Variants in CD9 observed in about 807,000 individuals in gnomAD.
CD9 encodes CD9 molecule.
Under a neutral mutation model 31.4 loss-of-function variants are expected in CD9, and 10 were observed. That is an observed-to-expected ratio of 0.32 (90% CI 0.20 to 0.54). The LOEUF (loss-of-function observed/expected upper bound fraction) is 0.54. Ranked by LOEUF, CD9 falls within the 20% of genes least tolerant of loss-of-function variation. The pLI is 0.94. For synonymous variants in CD9, 113 were observed against 114.1 expected (o/e 0.99, Z 0.06); for missense variants, 259 against 300.1 (o/e 0.86, Z 1.01).
chr12:6,200,370 T>C, upstream of CD9: 1 of 594,014 alleles, frequency 1.7e-6, no homozygotes, highest in East Asian at 3.1e-5. Flanking sequence ...GAGTGGCACT[T>C]TTTAAAAGTG....
chr12:6,203,575 CA>C (rs1946098154), intron 1 of CD9, among the ~76,000 whole-genome samples: 1 of 152,134 alleles, frequency 6.6e-6, no homozygotes, highest in Non-Finnish European at 1.5e-5. Flanking sequence ...CCCTGTGGGT[CA>C]CTCCCTGATG....
intron 6 of CD9, 75 bp downstream of exon 6, chr12:6,235,640 C>T (rs780877759): frequency 6.6e-7 from 1 of 1,505,862 alleles, no homozygotes; most frequent in Non-Finnish European, 8.9e-7. Context: ...AAAGTGACAG[C>T]AGCCAAGTGC....
At chr12:6,210,350 C>T (rs1401311064) in intron 1 of CD9, among the ~76,000 whole-genome samples, 2 of 152,250 alleles carry the variant, frequency 1.3e-5, no homozygotes, top group African/African-American at 4.8e-5. Flanking sequence ...TGGAGAGTCC[C>T]TTCCCAGAGC....
In CD9 at chr12:6,223,870, C is replaced by G. The variant is rs11568241; in HGVS notation, c.67-1556C>G. ...GCTGCCTTTGGATTAGGCCAGGAGA[C>G]CCTCCCTCACTGGCCTTTTATTAAG... On this transcript the variant is annotated intron_variant, in intron 1 of 7. Coordinates refer to ENST00000009180, the MANE Select transcript of CD9 (RefSeq NM_001769.4). 3.8e-3 allele frequency among the ~76,000 whole-genome samples: 580 copies of G among 152,284 alleles called. 4 individuals are homozygous for G. Among genetic ancestry groups the G allele is most frequent in the African/African-American group, 0.012 (509 of 41,556 alleles).
chr12:6,220,982 C>G (rs1336893906), intron 1 of CD9, among the ~76,000 whole-genome samples: 2 of 152,230 alleles, frequency 1.3e-5, no homozygotes, highest in Non-Finnish European at 2.9e-5. Flanking sequence ...GTCATGCCCC[C>G]TCAGTCTTCT....
At chr12:6,217,243 C>T (rs1209322217) in intron 1 of CD9, among the ~76,000 whole-genome samples, 1 of 152,134 alleles carries the variant, frequency 6.6e-6, no homozygotes. Flanking sequence ...CCCAGGTAGG[C>T]TGGGTGCCAT....
In CD9 at chr12:6,232,364, A is replaced by T; in HGVS notation, c.176-268A>T. ...ATTCTCTGTCCTGGATTGAGGGCTA[A>T]TGGGCACCTTCCAGAAGGGCTGAGG... On this transcript the variant is annotated intron_variant, in intron 2 of 7. Coordinates refer to ENST00000009180, the MANE Select transcript of CD9 (RefSeq NM_001769.4). This position sits in a 1 kb window ranked among gnomAD's most constrained non-coding sequence, Gnocchi z 4.8. 5 of 549,912 alleles carry T rather than the reference A, an allele frequency of 9.1e-6. No homozygotes were observed. The East Asian group carries it at 1.3e-4, about 14-fold the overall frequency. 34.1% of individuals were successfully genotyped at this position (549,912 alleles called of 1,614,324 possible).
intron 3 of CD9, chr12:6,233,120 AG>A: frequency 1.4e-6 from 1 of 696,958 alleles, no homozygotes; most frequent in East Asian, 2.7e-5. Flanking sequence ...GAACAATAGT[AG>A]TTGCCTGCTC....
rs1458688787 is a variant in CD9 at position 6,200,494 on chromosome 12, C to T, written c.-6C>T. On this transcript the variant is annotated 5_prime_UTR_variant, in exon 1 of 8. Transcript: ENST00000009180. Reference sequence around the variant, plus strand: ...CCGTTCGGCCCAGGCTAAGTTAGCCCTCACCATGCCGGTCAAAGGAGGCAC... The same window carrying T: ...CCGTTCGGCCCAGGCTAAGTTAGCCTTCACCATGCCGGTCAAAGGAGGCAC... The T allele has an allele frequency of 6.2e-7, 1 of 1,608,782 alleles. No homozygotes were observed. The highest frequency in any genetic ancestry group is 8.5e-7 in the Non-Finnish European group (1 of 1,175,882).
intron 1 of CD9, among the ~76,000 whole-genome samples, chr12:6,220,409 T>G (rs978145859): frequency 1.3e-4 from 20 of 152,050 alleles, no homozygotes; most frequent in African/African-American, 4.8e-4. Context: ...TCACCACCCC[T>G]TTCGGGTTGG....
At chr12:6,210,255 G>A (rs1037298739) in intron 1 of CD9, among the ~76,000 whole-genome samples, 1 of 151,956 alleles carries the variant, frequency 6.6e-6, no homozygotes, top group Non-Finnish European at 1.5e-5. Context: ...GCCACTGAAC[G>A]GGCTGCGGTC....
At position 6,233,471 on chromosome 12, in the gene CD9, T is replaced by A. The variant is rs1946477524; in HGVS notation, c.333T>A (p.Tyr111Ter). 1 of 1,613,758 alleles carries A rather than the reference T, an allele frequency of 6.2e-7. No homozygotes were observed. The highest frequency in any genetic ancestry group is 1.3e-5 in the African/African-American group (1 of 75,042). ...AAATAGCTGCGGCCATCTGGGGATA[T>A]TCCCACAAGGATGAGGTAGGTTTTT... ...AIEIAAAIWGYSHKDEVIKEV... is the reference protein window; with the variant it reads ...AIEIAAAIWG Residue 111 changes from tyrosine to a stop codon, truncating the protein, a stop_gained, in exon 4 of 8, where the codon TAT (tyrosine) becomes TAA (stop). Transcript: ENST00000009180. LOFTEE classifies it high-confidence loss of function.
At chr12:6,218,470 C>G (rs1650143647) in intron 1 of CD9, among the ~76,000 whole-genome samples, 1 of 152,178 alleles carries the variant, frequency 6.6e-6, no homozygotes, top group African/African-American at 2.4e-5. Flanking sequence ...GTTACCTCCT[C>G]TTTTTCAGCA....
At chr12:6,213,043 CT>C (rs1335407985) in intron 1 of CD9, among the ~76,000 whole-genome samples, 4 of 152,192 alleles carry the variant, frequency 2.6e-5, no homozygotes, top group Non-Finnish European at 5.9e-5. Flanking sequence ...CTTTCCTTAT[CT>C]GTGTAATGAA....
intron 1 of CD9, among the ~76,000 whole-genome samples, chr12:6,224,645 C>T (rs181880518): frequency 9.3e-4 from 142 of 152,280 alleles, no homozygotes; most frequent in African/African-American, 3.3e-3. Flanking sequence ...TGCGTCCAGC[C>T]GGCTACCACA....
Position 6,232,743 on chromosome 12 carries a change from C to A in CD9, c.273+14C>A. 1.3e-6 allele frequency: 2 copies of A among 1,515,414 alleles called. No individual in the cohort carries two copies. Among genetic ancestry groups the A allele is most frequent in the Non-Finnish European group, 8.9e-7 (1 of 1,124,396 alleles). 93.9% of individuals were successfully genotyped at this position (1,515,414 alleles called of 1,614,324 possible). ...ATGCTGGGACTGGTGAGTATCCCCT[C>A]GGCATCCCCACAGCCACCCTGACTC... On this transcript the variant is annotated intron_variant, in intron 3 of 7. Coordinates refer to ENST00000009180, the MANE Select transcript of CD9 (RefSeq NM_001769.4). The surrounding 1 kb of genome is among the most constrained non-coding windows in gnomAD (Gnocchi z 4.8).
In CD9 at chr12:6,232,849, G is replaced by A. The variant is rs1053605034; in HGVS notation, c.273+120G>A. Reference sequence around the variant, plus strand: ...GATGGGGTCAGGAAGGTACCCAAAGGGCATGAGCTGTCCTCAGCCTGGGCC... The same window carrying A: ...GATGGGGTCAGGAAGGTACCCAAAGAGCATGAGCTGTCCTCAGCCTGGGCC... On this transcript the variant is annotated intron_variant, in intron 3 of 7. Transcript: ENST00000009180. This position sits in a 1 kb window ranked among gnomAD's most constrained non-coding sequence, Gnocchi z 4.8. 16 of 741,406 alleles carry A rather than the reference G, an allele frequency of 2.2e-5. No individual in the cohort carries two copies. Among genetic ancestry groups the A allele is most frequent in the African/African-American group, 1.7e-4 (10 of 57,736 alleles). The allele number at this position is 741,406 out of a possible 1,614,324, so 45.9% of individuals were successfully genotyped here.
intron 1 of CD9, among the ~76,000 whole-genome samples, chr12:6,204,298 T>C (rs1278314574): frequency 6.6e-6 from 1 of 152,196 alleles, no homozygotes; most frequent in Non-Finnish European, 1.5e-5. Flanking sequence ...GGGTACGATG[T>C]ATACTATGTT....
At chr12:6,209,679 CTTTTTTTTT>C (rs71064199) in intron 1 of CD9, among the ~76,000 whole-genome samples, 2 of 132,612 alleles carry the variant, frequency 1.5e-5, no homozygotes. Flanking sequence ...CTGCAAATTT[CTTTTTTTTT>C]TTTTTTTTTT....
Sources: allele counts gnomAD v4.1 joint callset (sites outside exome capture counted in the v4.1 genomes callset), GRCh38; gene constraint gnomAD v4.1.1; non-coding constraint Gnocchi (gnomAD v3.1); transcripts MANE v1.5; gene names NCBI Gene and HGNC (gene_info 2026-07-23, HGNC 2026-07-21).